The following RILPL1 variants were observed in gnomAD, a reference collection of about 807,000 sequenced individuals.
RILPL1 encodes Rab interacting lysosomal protein like 1.
A neutral mutation model predicts 50.3 loss-of-function variants in RILPL1; 33 were observed. The observed-to-expected ratio is 0.66, with a 90% CI of 0.50 to 0.88. RILPL1 has a LOEUF of 0.88. Ranked by LOEUF, RILPL1 falls within the 40% of genes least tolerant of loss-of-function variation. RILPL1 has a pLI of 0.00. For synonymous variants in RILPL1, 205 were observed against 228.6 expected (o/e 0.90, Z 0.93); for missense variants, 418 against 542.5 (o/e 0.77, Z 2.28).
chr12:123,505,104 G>A (rs1006562206), intron 2 of RILPL1, among the ~76,000 whole-genome samples: 3 of 152,058 alleles, frequency 2.0e-5, no homozygotes, highest in Admixed American at 6.6e-5. Flanking sequence ...GCAGTGGCAC[G>A]ATCTTGGCTT....
chr12:123,520,273 G>A (rs1220011587), intron 2 of RILPL1, among the ~76,000 whole-genome samples: 2 of 152,188 alleles, frequency 1.3e-5, no homozygotes, highest in African/African-American at 2.4e-5. Flanking sequence ...ACATGAAAAG[G>A]CAAGGCTGGG....
At chr12:123,504,606 C>T (rs974907119) in intron 2 of RILPL1, among the ~76,000 whole-genome samples, 3 of 152,172 alleles carry the variant, frequency 2.0e-5, no homozygotes, top group African/African-American at 7.2e-5. Context: ...TCTTCTTCTG[C>T]ACTCCCAAAG....
intron 6 of RILPL1, chr12:123,473,596 G>T (rs1044200068): frequency 1.2e-4 from 18 of 151,942 alleles, no homozygotes; most frequent in Non-Finnish European, 1.8e-4. Context: ...ACATCCATTT[G>T]CACTTTCAAA....
chr12:123,521,551 GTGTATATATATTAA>G (rs1885005717), intron 2 of RILPL1, among the ~76,000 whole-genome samples: 1 of 47,986 alleles, frequency 2.1e-5, no homozygotes, highest in East Asian at 5.4e-3. Context: ...ATATATATGT[GTGTATATATATTAA>G]TATATATACA....
At position 123,470,473 on chromosome 12, in the gene RILPL1, CAAAAA is replaced by C. The variant is rs57574691; in HGVS notation, c.*2060_*2064del. 449 of 86,158 alleles carry C rather than the reference CAAAAA, an allele frequency of 5.2e-3. 2 individuals carry two copies. Among genetic ancestry groups the C allele is most frequent in the Middle Eastern group, 0.041 (7 of 170 alleles). 5.3% of individuals were successfully genotyped at this position (86,158 alleles called of 1,614,324 possible). A position where few individuals can be genotyped will look rare whatever the true frequency, so the allele number is the denominator to read the frequency against. On this transcript the variant is annotated 3_prime_UTR_variant, in exon 7 of 7. Coordinates refer to ENST00000376874, the MANE Select transcript of RILPL1 (RefSeq NM_178314.5). ...AGGTGACAGAGTGAGACCCTGTGTCCAAAAAAAAAAAAAAAAAAAAGGCCAGCCAC... is the reference window on the plus strand; with the variant it reads ...AGGTGACAGAGTGAGACCCTGTGTCCAAAAAAAAAAAAAAAGGCCAGCCAC...
chr12:123,480,798 G>A (rs1293668966), intron 6 of RILPL1, among the ~76,000 whole-genome samples: 2 of 152,116 alleles, frequency 1.3e-5, no homozygotes, highest in Non-Finnish European at 1.5e-5. Flanking sequence ...AGGCTACCGT[G>A]GGCACCCCGT....
At chr12:123,481,640 T>C (rs1882009119) in intron 6 of RILPL1, among the ~76,000 whole-genome samples, 1 of 151,578 alleles carries the variant, frequency 6.6e-6, no homozygotes. Context: ...CACTGCAACC[T>C]CTGTCTCCCA....
rs766118121 is a variant in RILPL1 at position 123,484,180 on chromosome 12, A to G, written c.1067T>C (p.Leu356Pro). Residue 356 changes from leucine to proline, a missense_variant and splice_region_variant, in exon 6 of 7, where the codon CTG becomes CCG. Leu to Pro is a moderately conservative substitution (Grantham distance 98). Transcript: ENST00000376874. ...SPQPESGIKR[L>P]FSFFSRDKKR... ...CAGAAGCTGGCAGCGCATCACTTACAGTCGCTTGATGCCCGACTCCGGCTG... is the reference window on the plus strand; with the variant it reads ...CAGAAGCTGGCAGCGCATCACTTACGGTCGCTTGATGCCCGACTCCGGCTG... 1.3e-6 allele frequency: 2 copies of G among 1,591,616 alleles called. No homozygotes were observed. Among genetic ancestry groups the G allele is most frequent in the Non-Finnish European group, 1.7e-6 (2 of 1,161,766 alleles).
At chr12:123,475,926 C>T (rs1437964801) in intron 6 of RILPL1, 9 of 494,152 alleles carry the variant, frequency 1.8e-5, no homozygotes, top group South Asian at 8.8e-5. Flanking sequence ...TTTTTTGAGA[C>T]AGAGTCTCAC....
intron 2 of RILPL1, among the ~76,000 whole-genome samples, chr12:123,521,608 C>T (rs13303196): frequency 0.045 from 270 of 5,960 alleles, 4 homozygotes; most frequent in South Asian, 0.077. Context: ...AATATATATA[C>T]ACACATATGT....
At chr12:123,521,461 T>C (rs1182270998) in intron 2 of RILPL1, among the ~76,000 whole-genome samples, 1 of 150,568 alleles carries the variant, frequency 6.6e-6, no homozygotes, top group African/African-American at 2.4e-5. Context: ...GATCAAACTT[T>C]TCCTTTTTCC....
chr12:123,521,084 A>G (rs1033525897), intron 2 of RILPL1, among the ~76,000 whole-genome samples: 7 of 152,114 alleles, frequency 4.6e-5, no homozygotes, highest in Non-Finnish European at 7.4e-5. Context: ...AACTTTTCTC[A>G]TCTGTTCAAT....
intron 2 of RILPL1, among the ~76,000 whole-genome samples, chr12:123,511,685 G>GA (rs1566136045): frequency 4.0e-5 from 5 of 124,448 alleles, no homozygotes; most frequent in African/African-American, 1.5e-4. Context: ...TGTGGTGTGT[G>GA]GTGTGTGTGT....
In RILPL1 at chr12:123,533,032, C is replaced by T. The variant is rs1229842797; in HGVS notation, c.309+142G>A. The stretch of plus-strand genomic sequence containing the variant: ...TGGTCGGGCAAAAGAAGGCCAGGGC[C>T]TCCCTCCCTCCCCACGTCGGGTCTC... On this transcript the variant is annotated intron_variant, in intron 1 of 6. Coordinates refer to ENST00000376874, the MANE Select transcript of RILPL1 (RefSeq NM_178314.5). This position sits in a 1 kb window ranked among gnomAD's most constrained non-coding sequence, Gnocchi z 6.2. 1.1e-5 allele frequency: 10 copies of T among 894,482 alleles called. No homozygotes were observed. Among genetic ancestry groups the T allele is most frequent in the African/African-American group, 1.0e-4 (6 of 58,896 alleles). 55.4% of individuals were successfully genotyped at this position (894,482 alleles called of 1,614,324 possible). A position where few individuals can be genotyped will look rare whatever the true frequency, so the allele number is the denominator to read the frequency against.
At chr12:123,530,698 C>A (rs1250621948) in intron 1 of RILPL1, among the ~76,000 whole-genome samples, 1 of 152,196 alleles carries the variant, frequency 6.6e-6, no homozygotes. Flanking sequence ...ATCAGCCCAG[C>A]CATTGCTTTC....
chr12:123,531,115 GAA>G (rs10592345), intron 1 of RILPL1, among the ~76,000 whole-genome samples: 10,754 of 143,608 alleles, frequency 0.075, 860 homozygotes, highest in African/African-American at 0.2. Context: ...GACTCTGCAG[GAA>G]AAAAAAAAAA....
chr12:123,513,373 TG>T, intron 2 of RILPL1: 1 of 393,238 alleles, frequency 2.5e-6, no homozygotes, highest in Admixed American at 2.7e-5. Context: ...TACTCCTTGC[TG>T]GGGCTGCCTT....
chr12:123,517,911 T>C (rs1443103841), intron 2 of RILPL1, among the ~76,000 whole-genome samples: 1 of 152,174 alleles, frequency 6.6e-6, no homozygotes, highest in Non-Finnish European at 1.5e-5. Flanking sequence ...AAGGAGATTC[T>C]GACATGGGCT....
In RILPL1 at chr12:123,498,544, C is replaced by T; in HGVS notation, c.801G>A (p.Glu267=). ...EHSQNGEEEP[E]TEPVGEESIS... Reference sequence around the variant, plus strand: ...CCTCTGCACCCAGCTTCCTGCTCACCTCAGGCTCCTCCTCCCCATTCTGGC... The same window carrying T: ...CCTCTGCACCCAGCTTCCTGCTCACTTCAGGCTCCTCCTCCCCATTCTGGC... Residue 267 remains glutamate, a splice_region_variant and synonymous_variant, in exon 4 of 7, where the codon GAG becomes GAA. Transcript: ENST00000376874. The surrounding 1 kb of genome is among the most constrained non-coding windows in gnomAD (Gnocchi z 4.3). 6.2e-7 allele frequency: 1 copy of T among 1,613,052 alleles called. No homozygotes were observed. The highest frequency in any genetic ancestry group is 8.5e-7 in the Non-Finnish European group (1 of 1,179,734).
Sources: gnomAD v4.1 joint callset for allele counts (sites outside exome capture counted in the v4.1 genomes callset) on GRCh38, gnomAD v4.1.1 for gene constraint, Gnocchi (gnomAD v3.1) non-coding constraint, MANE v1.5 for transcripts, NCBI Gene and HGNC (gene_info 2026-07-23, HGNC 2026-07-21) for gene names.